MTAP: variants seen among roughly 807,000 people sequenced by gnomAD.
The protein encoded by MTAP is S-methyl-5'-thioadenosine phosphorylase.
Under a neutral mutation model 33.6 loss-of-function variants are expected in MTAP, and 33 were observed. That is an observed-to-expected ratio of 0.98 (90% CI 0.74 to 1.31). The LOEUF (loss-of-function observed/expected upper bound fraction) is 1.31. Among genes scored for constraint, MTAP ranks in the 40% most tolerant of loss-of-function variants. The probability of loss-of-function intolerance (pLI) is 0.00; values close to 1 mark genes in which losing one functional copy is unlikely to be tolerated. For synonymous variants in MTAP, 148 were observed against 125.7 expected, an observed-to-expected ratio of 1.18 and a Z score of -1.19; for missense variants, 367 against 360.0, an observed-to-expected ratio of 1.02 and a Z score of -0.16.
intron 5 of MTAP, among the ~76,000 whole-genome samples, chr9:21,853,363 G>T (rs562681873): frequency 1.3e-5 from 2 of 152,282 alleles, no homozygotes; most frequent in South Asian, 4.1e-4. Flanking sequence ...AGGGAAAAGT[G>T]TTAATTAAGC....
At chr9:21,880,331 TAAACCTCTATTCATTATAGATAATCCA>T (rs1175496985) in intron 1 of MTAP, among the ~76,000 whole-genome samples, 2 of 152,104 alleles carry the variant, frequency 1.3e-5, no homozygotes, top group African/African-American at 4.8e-5. Context: ...ACCCATAAAC[TAAACCTCTATTCATTATAGATAATCCA>T]GTTTATGGTA....
At chr9:21,918,538 C>A (rs1248955252) in intron 1 of MTAP, among the ~76,000 whole-genome samples, 1 of 151,720 alleles carries the variant, frequency 6.6e-6, no homozygotes, top group Non-Finnish European at 1.5e-5. Flanking sequence ...TCTGTACCCC[C>A]AAAAACTATT....
chr9:21,895,509 G>A (rs527821084), intron 1 of MTAP, among the ~76,000 whole-genome samples: 30 of 152,268 alleles, frequency 2.0e-4, no homozygotes, highest in East Asian at 3.9e-4. Context: ...GAGCAGGGCC[G>A]GGCATCACCT....
chr9:21,823,168 A>G (rs958208710), intron 4 of MTAP, among the ~76,000 whole-genome samples: 3 of 152,128 alleles, frequency 2.0e-5, no homozygotes, highest in Non-Finnish European at 4.4e-5. Flanking sequence ...TGATCCTGTC[A>G]CTATGATGTT....
intron 1 of MTAP, among the ~76,000 whole-genome samples, chr9:21,881,029 CA>C (rs1373701325): frequency 1.3e-5 from 2 of 151,944 alleles, no homozygotes; most frequent in African/African-American, 4.8e-5. Context: ...CTATAGTAAT[CA>C]AAACAGTGTG....
intron 1 of MTAP, among the ~76,000 whole-genome samples, chr9:21,925,331 C>T (rs557185369): frequency 9.7e-4 from 147 of 152,310 alleles, no homozygotes; most frequent in African/African-American, 3.4e-3. Context: ...TTTTTTAACT[C>T]AGGCAGCCCC....
At chr9:21,892,776 C>G (rs952450037) in intron 1 of MTAP, 1 of 152,180 alleles carries the variant, frequency 6.6e-6, no homozygotes, top group Admixed American at 6.5e-5. Context: ...AACAAATGGA[C>G]CTGACAGACA....
At chr9:21,895,788 G>C (rs1284207769) in intron 1 of MTAP, among the ~76,000 whole-genome samples, 3 of 152,182 alleles carry the variant, frequency 2.0e-5, no homozygotes, top group Non-Finnish European at 2.9e-5. Flanking sequence ...GCTGAGGCTT[G>C]AGTAGGTAAA....
intron 1 of MTAP, among the ~76,000 whole-genome samples, chr9:21,916,414 G>A (rs28764830): frequency 0.041 from 6,305 of 152,116 alleles, 358 homozygotes; most frequent in African/African-American, 0.13. Flanking sequence ...GTTCGAGACA[G>A]GCCTGGCCAA....
At chr9:21,899,860 C>T (rs1818360727) in intron 1 of MTAP, among the ~76,000 whole-genome samples, 1 of 152,068 alleles carries the variant, frequency 6.6e-6, no homozygotes, top group Non-Finnish European at 1.5e-5. Context: ...GAGTAGAGAA[C>T]CCAGAAATAA....
intron 4 of MTAP, among the ~76,000 whole-genome samples, chr9:21,825,362 G>A (rs543084874): frequency 3.9e-5 from 6 of 152,258 alleles, no homozygotes; most frequent in South Asian, 2.1e-4. Flanking sequence ...CTTTCTTGAC[G>A]TAAAATTTCA....
chr9:21,808,621 CA>C (rs1454492161), intron 1 of MTAP, among the ~76,000 whole-genome samples: 5 of 150,818 alleles, frequency 3.3e-5, no homozygotes, highest in African/African-American at 1.2e-4. Flanking sequence ...CACACACACA[CA>C]CAAACGTATT....
At chr9:21,806,631 T>C (rs1362567415) in intron 1 of MTAP, among the ~76,000 whole-genome samples, 1 of 151,792 alleles carries the variant, frequency 6.6e-6, no homozygotes, top group Non-Finnish European at 1.5e-5. Flanking sequence ...AGTGAGGATA[T>C]TACCTGGGGG....
Position 21,918,214 on chromosome 9 carries a change from G to C in MTAP, c.148-12794G>C, listed in dbSNP as rs893487849. On this transcript the variant is annotated intron_variant, in intron 1 of 1. Transcript: ENST00000577563. ...AAATACAAAAAATTAGCCGGGCGTA[G>C]TGGCGGGCGCCTGTAGTCCCAGCTA... Among the ~76,000 whole-genome samples the C allele has an allele frequency of 9.1e-5, 13 of 142,496 alleles. 2 individuals are homozygous for C. The highest frequency in any genetic ancestry group is 3.5e-4 in the African/African-American group (12 of 34,218). 93.5% of individuals were successfully genotyped at this position (142,496 alleles called of 152,430 possible).
chr9:21,825,392 A>G (rs1824767176), intron 4 of MTAP, among the ~76,000 whole-genome samples: 1 of 152,100 alleles, frequency 6.6e-6, no homozygotes, highest in Non-Finnish European at 1.5e-5. Flanking sequence ...ACACTCTGAG[A>G]TGGGATTCTT....
At chr9:21,829,658 G>T (rs925899232) in intron 4 of MTAP, among the ~76,000 whole-genome samples, 1 of 151,706 alleles carries the variant, frequency 6.6e-6, no homozygotes, top group Admixed American at 6.6e-5. Context: ...ATCCTAAAGT[G>T]TTCTTCAAAG....
rs987788090 is a variant in MTAP, at chr9:21,866,833, G to A, written c.*4819G>A. 3.9e-5 allele frequency: 6 copies of A among 152,042 alleles called. No homozygotes were observed. Among genetic ancestry groups the A allele is most frequent in the African/African-American group, 1.4e-4 (6 of 41,412 alleles). 9.4% of individuals were successfully genotyped at this position (152,042 alleles called of 1,614,324 possible). On this transcript the variant is annotated 3_prime_UTR_variant, in exon 8 of 8. Coordinates refer to ENST00000644715, the MANE Select transcript of MTAP (RefSeq NM_002451.4). ...ATTGACAATATTGAACCTTTCAATC[G>A]ATGGACATGGTATGTTTCTGCATTT... is the stretch of plus-strand genomic sequence containing the variant.
At position 21,927,777 on chromosome 9, in the gene MTAP, G is replaced by T. The variant is rs201042807; in HGVS notation, c.148-3231G>T. On this transcript the variant is annotated intron_variant, in intron 1 of 1. Transcript: ENST00000577563. ...GCCCTAAAACTTGGGGAAAGAAAAAGAATAACCACATATACAGATTCCAAA... is the reference window on the plus strand; with the variant it reads ...GCCCTAAAACTTGGGGAAAGAAAAATAATAACCACATATACAGATTCCAAA... 3.9e-5 allele frequency among the ~76,000 whole-genome samples: 6 copies of T among 152,272 alleles called. No homozygotes were observed. In the East Asian group the frequency reaches 1.2e-3, roughly 29 times the overall value.
chr9:21,912,409 C>A (rs1313178305), intron 1 of MTAP, among the ~76,000 whole-genome samples: 1 of 152,212 alleles, frequency 6.6e-6, no homozygotes, highest in Non-Finnish European at 1.5e-5. Context: ...CCGAATCCAG[C>A]AGCACATCCA....
Sources: gnomAD v4.1 joint callset for allele counts (sites outside exome capture counted in the v4.1 genomes callset) on GRCh38, gnomAD v4.1.1 for gene constraint, MANE v1.5 for transcripts, NCBI Gene and HGNC (gene_info 2026-07-23, HGNC 2026-07-21) for gene names.